METTL21A: variants seen among roughly 807,000 people sequenced by gnomAD.
The protein encoded by METTL21A is methyltransferase 21A, HSPA lysine.
In METTL21A, 22 loss-of-function variants were observed where a neutral mutation model predicts 20.9. The ratio of observed to expected loss-of-function variants is 1.05; its 90% confidence interval spans 0.75 to 1.50. METTL21A has a LOEUF of 1.50. Among genes scored for constraint, METTL21A ranks in the 40% most tolerant of loss-of-function variants. METTL21A has a pLI of 0.00. For synonymous variants in METTL21A, 93 were observed against 102.0 expected, an observed-to-expected ratio of 0.91 and a Z score of 0.53; for missense variants, 271 against 266.8, an observed-to-expected ratio of 1.02 and a Z score of -0.11.
chr2:207,598,359 G>A (rs375850822), intron 3 of METTL21A: 1 of 182,900 alleles, frequency 5.5e-6, no homozygotes, highest in African/African-American at 2.4e-5. Flanking sequence ...TATAGCCTTT[G>A]TCATTTTATA....
chr2:207,595,645 C>T (rs978165143), intron 3 of METTL21A, among the ~76,000 whole-genome samples: 1 of 152,016 alleles, frequency 6.6e-6, no homozygotes, highest in African/African-American at 2.4e-5. Context: ...CTCACTGCAA[C>T]CTAAGACCTC....
chr2:207,601,538 T>G (rs2087053255), intron 3 of METTL21A: 2 of 198,128 alleles, frequency 1.0e-5, no homozygotes, highest in South Asian at 3.9e-4. Context: ...GGAAAATAAC[T>G]CAAGTGCATA....
At chr2:207,597,160 T>G in intron 3 of METTL21A, 1 of 1,317,318 alleles carries the variant, frequency 7.6e-7, no homozygotes. Flanking sequence ...TTTCTTTTTT[T>G]CTATGCGCAA....
chr2:207,621,865 C>A (rs751903891), exon 3 of METTL21A: 1 of 1,614,184 alleles, frequency 6.2e-7, no homozygotes, highest in East Asian at 2.2e-5. Context: ...CACGGCAGAG[C>A]GGCCCCTGAG....
intron 2 of METTL21A, among the ~76,000 whole-genome samples, chr2:207,623,582 T>TG (rs2107346694): frequency 6.6e-6 from 1 of 152,366 alleles, no homozygotes; most frequent in East Asian, 1.9e-4. Flanking sequence ...CTGGGCGCTG[T>TG]GGCTCACGCC....
intron 3 of METTL21A, among the ~76,000 whole-genome samples, chr2:207,615,458 G>A (rs1559117191): frequency 6.6e-6 from 1 of 152,084 alleles, no homozygotes; most frequent in Non-Finnish European, 1.5e-5. Flanking sequence ...AGCACTTTGG[G>A]AGGCCGAGGC....
At chr2:207,592,268 G>A (rs930107932) in intron 3 of METTL21A, among the ~76,000 whole-genome samples, 3 of 151,978 alleles carry the variant, frequency 2.0e-5, no homozygotes, top group East Asian at 2.0e-4. Flanking sequence ...TGAGCTGGGC[G>A]TGGTGGCACA....
intron 3 of METTL21A, among the ~76,000 whole-genome samples, chr2:207,617,874 G>T (rs2089986995): frequency 6.6e-6 from 1 of 152,188 alleles, no homozygotes; most frequent in Non-Finnish European, 1.5e-5. Context: ...CAAGGGGTAG[G>T]GGAGGTAGAC....
At chr2:207,590,540 A>G (rs1023229440) in intron 3 of METTL21A, among the ~76,000 whole-genome samples, 1 of 151,030 alleles carries the variant, frequency 6.6e-6, no homozygotes, top group African/African-American at 2.4e-5. Flanking sequence ...ATTAACTGTA[A>G]ATTTTTTCCT....
chr2:207,617,266 G>GGA (rs1384068371), intron 3 of METTL21A, among the ~76,000 whole-genome samples: 1 of 152,310 alleles, frequency 6.6e-6, no homozygotes, highest in African/African-American at 2.4e-5. Flanking sequence ...GTCTCATGTG[G>GGA]GAGAGACACA....
intron 3 of METTL21A, chr2:207,596,852 T>C (rs1414221506): frequency 1.3e-6 from 2 of 1,555,162 alleles, no homozygotes; most frequent in Admixed American, 4.4e-5. Context: ...AAAAAAAAGG[T>C]AATCCAAAAT....
intron 3 of METTL21A, among the ~76,000 whole-genome samples, chr2:207,594,189 CTG>C (rs748895511): frequency 5.3e-5 from 8 of 152,150 alleles, no homozygotes; most frequent in East Asian, 1.9e-4. Flanking sequence ...TATTTTTAAT[CTG>C]TGTTAGATTT....
chr2:207,605,526 TAAA>T (rs374747042), downstream of METTL21A, among the ~76,000 whole-genome samples: 1 of 152,026 alleles, frequency 6.6e-6, no homozygotes, highest in Non-Finnish European at 1.5e-5. Flanking sequence ...TGTACACTTC[TAAA>T]AAAAAGAAAC....
chr2:207,602,376 CATG>C (rs1333290109), intron 3 of METTL21A: 1 of 202,496 alleles, frequency 4.9e-6, no homozygotes, highest in African/African-American at 2.3e-5. Context: ...CTGGGTATGA[CATG>C]ATACATTTTT....
intron 3 of METTL21A, among the ~76,000 whole-genome samples, chr2:207,583,156 G>A (rs1249580792): frequency 2.0e-5 from 3 of 151,928 alleles, no homozygotes; most frequent in Non-Finnish European, 4.4e-5. Flanking sequence ...TAAGTATATA[G>A]GGGGATTCAT....
intron 3 of METTL21A, among the ~76,000 whole-genome samples, chr2:207,594,104 G>A (rs908462790): frequency 2.0e-4 from 30 of 152,204 alleles, no homozygotes; most frequent in Admixed American, 2.0e-3. Context: ...ATAAGATTGT[G>A]GCCCTTGACC....
chr2:207,622,355 G>A (rs535990054), intron 2 of METTL21A, among the ~76,000 whole-genome samples: 2 of 152,110 alleles, frequency 1.3e-5, no homozygotes, highest in East Asian at 3.9e-4. Flanking sequence ...TTTTTTGGTA[G>A]AGATGGGGTT....
intron 3 of METTL21A, among the ~76,000 whole-genome samples, chr2:207,616,728 C>A (rs1483490619): frequency 1.3e-5 from 2 of 152,128 alleles, no homozygotes; most frequent in Non-Finnish European, 2.9e-5. Context: ...CGCCTGTAAT[C>A]CCAGCTACTC....
At chr2:207,595,783 G>A (rs534820510) in intron 3 of METTL21A, among the ~76,000 whole-genome samples, 2 of 152,020 alleles carry the variant, frequency 1.3e-5, no homozygotes, top group East Asian at 3.9e-4. Context: ...TGCCCAGGCT[G>A]TTCTTGAACA....
Sources: gnomAD v4.1 joint callset for allele counts (sites outside exome capture counted in the v4.1 genomes callset) on GRCh38, gnomAD v4.1.1 for gene constraint, MANE v1.5 for transcripts, NCBI Gene and HGNC (gene_info 2026-07-23, HGNC 2026-07-21) for gene names.